The following RBFOX1 variants were observed in gnomAD, a reference collection of about 807,000 sequenced individuals.
RBFOX1 encodes the protein RNA binding fox-1 homolog 1, also known as RNA binding protein fox-1 homolog 1.
In RBFOX1, 8 loss-of-function variants were observed where a neutral mutation model predicts 57.7. That is an observed-to-expected ratio of 0.14 (90% CI 0.08 to 0.25). The LOEUF is 0.25. Ranked by LOEUF, RBFOX1 falls within the 10% of genes least tolerant of loss-of-function variation. The pLI, the probability that RBFOX1 is intolerant of heterozygous loss-of-function variation, is 1.00. For missense variants in RBFOX1, 611 were observed against 548.5 expected, an observed-to-expected ratio of 1.11 and a Z score of -1.14; for synonymous variants, 326 against 222.4, an observed-to-expected ratio of 1.47 and a Z score of -4.15.
chr16:6,353,042 C>T (rs1307945003), intron 2 of RBFOX1, among the ~76,000 whole-genome samples: 1 of 152,048 alleles, frequency 6.6e-6, no homozygotes, highest in Admixed American at 6.6e-5. Flanking sequence ...GCTGCTTTCT[C>T]GGAGAAACTG....
At chr16:7,156,272 AC>A (rs1193222233) in intron 4 of RBFOX1, among the ~76,000 whole-genome samples, 5 of 151,880 alleles carry the variant, frequency 3.3e-5, no homozygotes, top group African/African-American at 1.2e-4. Context: ...GTGTACATGT[AC>A]ATGTACATAT....
intron 4 of RBFOX1, among the ~76,000 whole-genome samples, chr16:7,486,344 G>C (rs898806859): frequency 4.0e-5 from 6 of 151,806 alleles, no homozygotes; most frequent in African/African-American, 1.2e-4. Flanking sequence ...TGTTGGCCAG[G>C]CTGGTCTCGA....
chr16:7,211,967 C>T (rs191732958), intron 4 of RBFOX1, among the ~76,000 whole-genome samples: 159 of 152,278 alleles, frequency 1.0e-3, no homozygotes, highest in African/African-American at 3.6e-3. Context: ...CCCTCCTACC[C>T]ACCCCTTCTC....
At chr16:6,735,296 G>C (rs190147975) in intron 3 of RBFOX1, among the ~76,000 whole-genome samples, 3 of 152,196 alleles carry the variant, frequency 2.0e-5, no homozygotes, top group Non-Finnish European at 4.4e-5. Flanking sequence ...CCACTCACCA[G>C]TGGGTTCATG....
chr16:6,127,504 A>G (rs1192563784), intron 1 of RBFOX1, among the ~76,000 whole-genome samples: 2 of 152,176 alleles, frequency 1.3e-5, no homozygotes, highest in African/African-American at 4.8e-5. Flanking sequence ...AGAAACACGT[A>G]GCTTTGAATT....
intron 1 of RBFOX1, among the ~76,000 whole-genome samples, chr16:6,078,170 G>A (rs1345892639): frequency 2.6e-5 from 4 of 152,148 alleles, no homozygotes; most frequent in African/African-American, 9.7e-5. Flanking sequence ...TAACATGTAT[G>A]AGGAAATGCT....
intron 3 of RBFOX1, among the ~76,000 whole-genome samples, chr16:6,980,008 C>A (rs553813363): frequency 6.6e-6 from 1 of 152,018 alleles, no homozygotes; most frequent in Non-Finnish European, 1.5e-5. Flanking sequence ...CCTTCCCAGC[C>A]TTAATGGTGT....
At chr16:7,498,449 T>G (rs201518353) in intron 4 of RBFOX1, among the ~76,000 whole-genome samples, 19 of 31,444 alleles carry the variant, frequency 6.0e-4, no homozygotes, top group Non-Finnish European at 1.8e-3. Context: ...ATGTAGTGGG[T>G]TTTTTTTTAT....
At chr16:6,250,659 T>C (rs2097602342) in intron 1 of RBFOX1, among the ~76,000 whole-genome samples, 1 of 152,154 alleles carries the variant, frequency 6.6e-6, no homozygotes, top group Non-Finnish European at 1.5e-5. Flanking sequence ...ATTGGTTCTC[T>C]GCACCAGTCG....
At chr16:6,827,240 C>A (rs1009948313) in intron 3 of RBFOX1, among the ~76,000 whole-genome samples, 4 of 150,930 alleles carry the variant, frequency 2.7e-5, no homozygotes, top group African/African-American at 9.7e-5. Flanking sequence ...CTCATTTTCT[C>A]CTAAAGTTCT....
chr16:6,391,465 G>A (rs538662372), intron 2 of RBFOX1, among the ~76,000 whole-genome samples: 86 of 147,654 alleles, frequency 5.8e-4, no homozygotes, highest in Non-Finnish European at 9.9e-4. Flanking sequence ...AGCCGAGATC[G>A]CACCACTGCA....
At chr16:6,434,549 C>A (rs920049709) in intron 2 of RBFOX1, among the ~76,000 whole-genome samples, 2 of 152,154 alleles carry the variant, frequency 1.3e-5, no homozygotes, top group Non-Finnish European at 2.9e-5. Context: ...CGCATAGTGC[C>A]TGGCACATAG....
rs141931607 is a variant in RBFOX1 at position 7,428,096 on chromosome 16, G to A, written c.28-90051G>A. Among the ~76,000 whole-genome samples the A allele has an allele frequency of 8.1e-4, 123 of 152,198 alleles. No homozygotes were observed. The East Asian group carries it at 0.016, about 20-fold the overall frequency. On this transcript the variant is annotated intron_variant, in intron 4 of 15. Coordinates refer to ENST00000550418, the MANE Select transcript of RBFOX1 (RefSeq NM_018723.4). Reference sequence around the variant, plus strand: ...TTGCCTCCTCCAGGAGGCCCCAGCTGCATTTGTCATTTCCTCCAAATCTGA... The same window carrying A: ...TTGCCTCCTCCAGGAGGCCCCAGCTACATTTGTCATTTCCTCCAAATCTGA...
chr16:7,102,698 G>C (rs1181707808), intron 4 of RBFOX1, among the ~76,000 whole-genome samples: 1 of 152,168 alleles, frequency 6.6e-6, no homozygotes, highest in Non-Finnish European at 1.5e-5. Flanking sequence ...GCATGTGATA[G>C]TTTATTTTAT....
intron 4 of RBFOX1, among the ~76,000 whole-genome samples, chr16:5,954,966 A>T (rs2059594103): frequency 6.6e-6 from 1 of 151,540 alleles, no homozygotes. Context: ...CAAATACTTG[A>T]TGAGGCAGCA....
At chr16:7,520,814 C>G (rs867358002) in intron 5 of RBFOX1, among the ~76,000 whole-genome samples, 59 of 152,082 alleles carry the variant, frequency 3.9e-4, no homozygotes, top group African/African-American at 1.3e-3. Flanking sequence ...AGGTTATTTT[C>G]AGATTTTGAA....
intron 3 of RBFOX1, among the ~76,000 whole-genome samples, chr16:5,843,803 G>A (rs546614313): frequency 7.8e-4 from 119 of 152,276 alleles, no homozygotes; most frequent in African/African-American, 2.7e-3. Flanking sequence ...AAGCCTGAAC[G>A]CTTTCCACTC....
At chr16:6,780,007 T>C (rs1002953700) in intron 3 of RBFOX1, among the ~76,000 whole-genome samples, 42 of 22,080 alleles carry the variant, frequency 1.9e-3, no homozygotes, top group Middle Eastern at 0.059. Flanking sequence ...TTATATATAT[T>C]TATATATATT....
intron 4 of RBFOX1, among the ~76,000 whole-genome samples, chr16:7,306,146 T>A (rs775451917): frequency 6.6e-6 from 1 of 152,232 alleles, no homozygotes; most frequent in South Asian, 2.1e-4. Context: ...ATGTTCTCCG[T>A]TCCTTTGTGT....
Sources: gnomAD v4.1 joint callset for allele counts (sites outside exome capture counted in the v4.1 genomes callset) on GRCh38, gnomAD v4.1.1 for gene constraint, MANE v1.5 for transcripts, NCBI Gene and HGNC (gene_info 2026-07-23, HGNC 2026-07-21) for gene names.